VPS52: variants seen among roughly 807,000 people sequenced by gnomAD.
The protein encoded by VPS52 is vacuolar protein sorting-associated protein 52 homolog.
VPS52 carries 56 observed loss-of-function variants against 98.7 expected under a neutral mutation model. The ratio of observed to expected loss-of-function variants is 0.57; its 90% CI spans 0.46 to 0.71. The LOEUF is 0.71. Ranked by LOEUF, VPS52 falls within the 30% of genes least tolerant of loss-of-function variation. The pLI, the probability that VPS52 is intolerant of heterozygous loss-of-function variation, is 0.00. For missense variants in VPS52, 742 were observed against 925.9 expected (o/e 0.80, Z 2.58); for synonymous variants, 348 against 346.4 (o/e 1.00, Z -0.05).
Position 33,271,655 on chromosome 6 carries a change from C to T in VPS52, c.21G>A (p.Met7Ile). MAAAAT[M>I]AAAARELVLR... ...ACACCAGTTCCCGGGCCGCAGCCGC[C>T]ATGGTCGCAGCGGCGGCCATTCCCC... The change falls in exon 1 of 20, where the codon ATG becomes ATA. Residue 7 changes from methionine (M) to isoleucine (I), a missense_variant. Around this residue, in one of 2 missense-constraint regions of VPS52, gnomAD observed 152 missense variants for 132.6 expected, o/e 1.15. Coordinates refer to ENST00000445902, the MANE Select transcript of VPS52 (RefSeq NM_022553.6). 3 of 1,610,260 alleles carry T rather than the reference C, an allele frequency of 1.9e-6. No homozygotes were observed. The South Asian group carries it at 3.3e-5, about 18-fold the overall frequency.
rs748274838 is a variant in VPS52, at chr6:33,266,601, C to T, written c.1237G>A (p.Asp413Asn). ...CGGCCCATGACAGCATGGAACAGGT[C>T]GTGTGCAGCTGGGCCAGACACAACA... is the stretch of plus-strand genomic sequence containing the variant. ...FFVVSGPAAH[D>N]LFHAVMGRTL... is the part of the protein sequence containing the mutation. The change falls in exon 12 of 20, where the codon GAC becomes AAC. Residue 413 changes from aspartate to asparagine, a missense_variant. Around this residue, in one of 2 missense-constraint regions of VPS52, gnomAD observed 590 missense variants for 793.3 expected, o/e 0.74. Coordinates refer to ENST00000445902, the MANE Select transcript of VPS52 (RefSeq NM_022553.6). 5.0e-6 allele frequency: 8 copies of T among 1,612,432 alleles called. No individual in the cohort carries two copies. Among genetic ancestry groups the T allele is most frequent in the Admixed American group, 3.3e-5 (2 of 59,954 alleles).
intron 3 of VPS52, 33 bp from the exon 4 acceptor site, chr6:33,269,852 A>G: frequency 6.2e-7 from 1 of 1,607,154 alleles, no homozygotes; most frequent in Middle Eastern, 1.7e-4. Flanking sequence ...GGTCAGAAGG[A>G]AGTCTCAGTA....
At position 33,264,443 on chromosome 6, in the gene VPS52, C is replaced by T; in HGVS notation, c.1455G>A (p.Glu485=). Reference sequence around the variant, plus strand: ...TGCTTCGGACGCTCTGAACATTCATCTCCAGGATCAGTTCAAACCGTGGCC... The same window carrying T: ...TGCTTCGGACGCTCTGAACATTCATTTCCAGGATCAGTTCAAACCGTGGCC... ...LLWPRFELIL[E]MNVQSVRSTD... Residue 485 remains glutamate (E), a synonymous_variant, in exon 14 of 20, where the codon GAG becomes GAA. Coordinates refer to ENST00000445902, the MANE Select transcript of VPS52 (RefSeq NM_022553.6). 6.2e-7 allele frequency: 1 copy of T among 1,614,192 alleles called. No homozygotes were observed. The highest frequency in any genetic ancestry group is 8.5e-7 in the Non-Finnish European group (1 of 1,180,044).
At chr6:33,270,584 C>T (rs1764901746) in intron 1 of VPS52, among the ~76,000 whole-genome samples, 1 of 152,066 alleles carries the variant, frequency 6.6e-6, no homozygotes, top group Non-Finnish European at 1.5e-5. Flanking sequence ...TTGAGGAGAT[C>T]AGGAGTTCAA....
chr6:33,265,215 T>TA (rs1213667021), intron 12 of VPS52, among the ~76,000 whole-genome samples: 1 of 152,142 alleles, frequency 6.6e-6, no homozygotes, highest in African/African-American at 2.4e-5. Flanking sequence ...TAGCTGGAAT[T>TA]ATAGGCGCCT....
intron 5 of VPS52, 37 bp from the exon 6 acceptor site, chr6:33,269,226 G>T (rs982747034): frequency 6.2e-7 from 1 of 1,608,364 alleles, no homozygotes; most frequent in Non-Finnish European, 8.5e-7. Context: ...GTGCTATAGG[G>T]TTTGTAGGGG....
intron 5 of VPS52, 94 bp from the exon 6 acceptor site, chr6:33,269,283 A>T (rs1764708987): frequency 6.5e-7 from 1 of 1,541,696 alleles, no homozygotes; most frequent in Non-Finnish European, 8.8e-7. Context: ...AGTATTTATC[A>T]GTCCTTGAGG....
At chr6:33,252,229 A>G (rs974302305) in intron 17 of VPS52, among the ~76,000 whole-genome samples, 38 of 152,344 alleles carry the variant, frequency 2.5e-4, no homozygotes, top group African/African-American at 7.5e-4. Flanking sequence ...CAGACACAAT[A>G]AGCAATAGCT....
At chr6:33,256,659 G>A (rs766921949) in intron 17 of VPS52, among the ~76,000 whole-genome samples, 8 of 151,024 alleles carry the variant, frequency 5.3e-5, no homozygotes, top group South Asian at 2.1e-4. Context: ...TAGCCAACAC[G>A]GTGAAACCCC....
intron 17 of VPS52, among the ~76,000 whole-genome samples, chr6:33,252,947 C>A (rs541489050): frequency 1.3e-5 from 2 of 151,522 alleles, no homozygotes; most frequent in Admixed American, 1.3e-4. Flanking sequence ...AAAAAAAAAA[C>A]TAATTTAAAT....
At chr6:33,252,482 G>A (rs1352365878) in intron 17 of VPS52, among the ~76,000 whole-genome samples, 2 of 151,408 alleles carry the variant, frequency 1.3e-5, no homozygotes, top group African/African-American at 2.4e-5. Context: ...CCAGCTACTC[G>A]GGAGACTGAG....
chr6:33,267,205 G>A lies in VPS52; in HGVS notation c.1108C>T (p.Gln370Ter). 6.4e-7 allele frequency: 1 copy of A among 1,569,518 alleles called. No individual in the cohort carries two copies. The highest frequency in any genetic ancestry group is 8.6e-7 in the Non-Finnish European group (1 of 1,159,882). ...CCTCATACCCTCTGCTCTCCGCGCTGCGCTGTGTGAGGCACCAGGATGGGG... is the reference window on the plus strand; with the variant it reads ...CCTCATACCCTCTGCTCTCCGCGCTACGCTGTGTGAGGCACCAGGATGGGG... ...EAPILVPHTA[Q>*]RGEQRYPFEA... Residue 370 changes from glutamine to a stop codon, truncating the protein, a stop_gained, in exon 11 of 20, where the codon CAG (glutamine) becomes TAG (stop). Transcript: ENST00000445902. LOFTEE classifies it high-confidence loss of function. This position sits in a 1 kb window ranked among gnomAD's most constrained non-coding sequence, Gnocchi z 4.2.
At chr6:33,259,708 G>A (rs568394175) in intron 17 of VPS52, among the ~76,000 whole-genome samples, 11 of 150,676 alleles carry the variant, frequency 7.3e-5, no homozygotes, top group Non-Finnish European at 1.3e-4. Flanking sequence ...TCCAAAATCC[G>A]AAAAAAATCA....
At position 33,269,823 on chromosome 6, in the gene VPS52, GGA is replaced by G. The variant is rs1562578730; in HGVS notation, c.229-6_229-5del. On this transcript the variant is annotated splice_region_variant and splice_polypyrimidine_tract_variant and intron_variant, in intron 3 of 19. Coordinates refer to ENST00000445902, the MANE Select transcript of VPS52 (RefSeq NM_022553.6). ...AATAGTGACGGAGATCTACACCCTG[GGA>G]GAACATAAAGATGACAGGTCAGAAG... The G allele has an allele frequency of 1.2e-6, 2 of 1,613,272 alleles. No homozygotes were observed. Among genetic ancestry groups the G allele is most frequent in the African/African-American group, 2.7e-5 (2 of 74,894 alleles).
chr6:33,264,681 T>C, intron 13 of VPS52, 101 bp downstream of exon 13: 1 of 1,413,466 alleles, frequency 7.1e-7, no homozygotes, highest in Non-Finnish European at 1.0e-6. Flanking sequence ...GGAATAAAGG[T>C]TGATGATACC....
intron 1 of VPS52, among the ~76,000 whole-genome samples, 195 bp from the exon 2 acceptor site, chr6:33,270,478 GGAGT>G (rs1417226227): frequency 6.6e-6 from 1 of 152,156 alleles, no homozygotes; most frequent in Non-Finnish European, 1.5e-5. Context: ...AATACGACAA[GGAGT>G]GAGACGATCC....
chr6:33,265,772 G>A (rs940528693), intron 12 of VPS52, among the ~76,000 whole-genome samples: 3 of 152,172 alleles, frequency 2.0e-5, no homozygotes, highest in Non-Finnish European at 2.9e-5. Context: ...CAGTTTTCAC[G>A]TGCTATTGCC....
In VPS52 at chr6:33,268,010, G is replaced by A; in HGVS notation, c.801-13C>T. ...CTGATAGAAGAACCTAGGGGGTCAG[G>A]AACATGTCAGTCTACCTGTCTCCCA... On this transcript the variant is annotated splice_polypyrimidine_tract_variant and intron_variant, in intron 8 of 19. Transcript: ENST00000445902. This position sits in a 1 kb window ranked among gnomAD's most constrained non-coding sequence, Gnocchi z 4.0. 3 of 1,612,994 alleles carry A rather than the reference G, an allele frequency of 1.9e-6. No homozygotes were observed. The highest frequency in any genetic ancestry group is 2.5e-6 in the Non-Finnish European group (3 of 1,179,996).
chr6:33,268,972 C>T lies in VPS52; in HGVS notation c.548+42G>A. ...ATAGGGTGGGTCACCCCAGCCCATCCACCTGCTATGGACATTATAACCCTT... is the reference window on the plus strand; with the variant it reads ...ATAGGGTGGGTCACCCCAGCCCATCTACCTGCTATGGACATTATAACCCTT... On this transcript the variant is annotated intron_variant, in intron 6 of 19. Coordinates refer to ENST00000445902, the MANE Select transcript of VPS52 (RefSeq NM_022553.6). The surrounding 1 kb of genome is among the most constrained non-coding windows in gnomAD (Gnocchi z 4.0). 6.2e-7 allele frequency: 1 copy of T among 1,602,014 alleles called. No homozygotes were observed. Among genetic ancestry groups the T allele is most frequent in the Non-Finnish European group, 8.5e-7 (1 of 1,173,692 alleles).
Sources: gnomAD v4.1 joint callset for allele counts (sites outside exome capture counted in the v4.1 genomes callset) on GRCh38, gnomAD v4.1.1 for gene constraint, gnomAD v4.1.1 regional missense constraint, Gnocchi (gnomAD v3.1) non-coding constraint, MANE v1.5 for transcripts, NCBI Gene and HGNC (gene_info 2026-07-23, HGNC 2026-07-21) for gene names.